Variants in TAFA4 observed in about 807,000 individuals in gnomAD.
TAFA4 encodes TAFA chemokine like family member 4.
A neutral mutation model predicts 21.1 loss-of-function variants in TAFA4; 20 were observed. The ratio of observed to expected loss-of-function variants is 0.95; its 90% CI spans 0.67 to 1.38. The LOEUF (loss-of-function observed/expected upper bound fraction) is 1.38. Ranked by LOEUF, TAFA4 falls within the 40% of genes most tolerant of loss-of-function variation. The pLI is 0.00. For missense variants in TAFA4, 211 were observed against 180.9 expected (o/e 1.17, Z -0.95); for synonymous variants, 71 against 67.4 (o/e 1.05, Z -0.26).
chr3:68,892,509 A>G (rs959920786), intron 1 of TAFA4, among the ~76,000 whole-genome samples: 1 of 152,200 alleles, frequency 6.6e-6, no homozygotes, highest in African/African-American at 2.4e-5. Flanking sequence ...GGATACACTA[A>G]AAGCCCTGCC....
intron 1 of TAFA4, among the ~76,000 whole-genome samples, chr3:68,920,528 T>C (rs1047874685): frequency 6.6e-5 from 10 of 152,090 alleles, no homozygotes; most frequent in African/African-American, 2.4e-4. Flanking sequence ...ACATAATGTA[T>C]ACTAAATATT....
intron 3 of TAFA4, among the ~76,000 whole-genome samples, chr3:68,832,401 CCTTT>C (rs1202296735): frequency 2.0e-5 from 3 of 152,158 alleles, no homozygotes; most frequent in Non-Finnish European, 4.4e-5. Flanking sequence ...TGATGCTACT[CCTTT>C]CTGTTTGTTA....
At chr3:68,786,038 T>C (rs1423384507) in intron 3 of TAFA4, among the ~76,000 whole-genome samples, 1 of 152,192 alleles carries the variant, frequency 6.6e-6, no homozygotes, top group Non-Finnish European at 1.5e-5. Context: ...ACTGGTTAAA[T>C]AAACTACGTT....
intron 3 of TAFA4, among the ~76,000 whole-genome samples, chr3:68,755,970 C>T (rs553619035): frequency 6.6e-6 from 1 of 152,258 alleles, no homozygotes; most frequent in East Asian, 1.9e-4. Flanking sequence ...GACTACATAG[C>T]CAGGAGCTAC....
chr3:68,888,191 T>C (rs78207650), intron 1 of TAFA4, among the ~76,000 whole-genome samples: 3,118 of 152,184 alleles, frequency 0.02, 111 homozygotes, highest in African/African-American at 0.071. Context: ...AAAACCTTAG[T>C]GCATGGACGC....
At chr3:68,733,309 C>T (rs1487272703) in intron 5 of TAFA4, among the ~76,000 whole-genome samples, 156 bp from the exon 6 acceptor site, 3 of 151,884 alleles carry the variant, frequency 2.0e-5, no homozygotes, top group African/African-American at 7.3e-5. Context: ...TCAAATTCTG[C>T]TTTGCAGCCT....
intron 1 of TAFA4, among the ~76,000 whole-genome samples, chr3:68,921,377 A>C (rs1421073155): frequency 6.6e-6 from 1 of 152,190 alleles, no homozygotes; most frequent in African/African-American, 2.4e-5. Context: ...GTGAAGAAAA[A>C]AAAGCAAGCT....
intron 3 of TAFA4, among the ~76,000 whole-genome samples, chr3:68,772,638 G>T (rs777121217): frequency 1.3e-5 from 2 of 152,156 alleles, no homozygotes; most frequent in Non-Finnish European, 2.9e-5. Context: ...ATAGCTTCAC[G>T]TTGGGGCAGG....
At chr3:68,741,795 AAAAAATAAAAAT>A (rs569363570) in intron 4 of TAFA4, among the ~76,000 whole-genome samples, 3 of 152,120 alleles carry the variant, frequency 2.0e-5, no homozygotes, top group Non-Finnish European at 4.4e-5. Flanking sequence ...CCATCTCAAA[AAAAAATAAAAAT>A]AAAAATAAAA....
intron 3 of TAFA4, among the ~76,000 whole-genome samples, chr3:68,856,725 T>C (rs1224511930): frequency 2.6e-5 from 4 of 152,166 alleles, no homozygotes; most frequent in African/African-American, 9.7e-5. Flanking sequence ...TCCACATTCA[T>C]ATGGAAGGAA....
At chr3:68,765,490 C>T (rs1702835227) in intron 3 of TAFA4, among the ~76,000 whole-genome samples, 1 of 152,092 alleles carries the variant, frequency 6.6e-6, no homozygotes, top group South Asian at 2.1e-4. Context: ...TGTTTACACA[C>T]TATATATGTC....
At chr3:68,882,116 A>G (rs1312694213) in intron 2 of TAFA4, among the ~76,000 whole-genome samples, 1 of 152,228 alleles carries the variant, frequency 6.6e-6, no homozygotes, top group Non-Finnish European at 1.5e-5. Flanking sequence ...AAAGGCAACA[A>G]AAAGCACTGG....
intron 3 of TAFA4, among the ~76,000 whole-genome samples, chr3:68,763,415 A>G (rs920209347): frequency 2.0e-5 from 3 of 152,096 alleles, no homozygotes; most frequent in Admixed American, 2.0e-4. Context: ...GATATAATGT[A>G]TTTCCTAACT....
chr3:68,831,480 G>T (rs139486875), intron 3 of TAFA4, among the ~76,000 whole-genome samples: 1 of 151,638 alleles, frequency 6.6e-6, no homozygotes, highest in Non-Finnish European at 1.5e-5. Context: ...TTCTGGGTTG[G>T]AAATTCTTTT....
intron 3 of TAFA4, among the ~76,000 whole-genome samples, chr3:68,820,334 G>A (rs1005065434): frequency 6.6e-6 from 1 of 152,170 alleles, no homozygotes; most frequent in Admixed American, 6.5e-5. Flanking sequence ...AAGTTCAAGT[G>A]ATCTACTGCA....
chr3:68,745,571 T>C (rs1376952721), intron 4 of TAFA4, among the ~76,000 whole-genome samples: 1 of 152,228 alleles, frequency 6.6e-6, no homozygotes, highest in Non-Finnish European at 1.5e-5. Flanking sequence ...GGTTTTGTGG[T>C]AGCAACTGCT....
intron 4 of TAFA4, among the ~76,000 whole-genome samples, chr3:68,748,263 G>A (rs1186329531): frequency 6.6e-6 from 1 of 152,142 alleles, no homozygotes; most frequent in Non-Finnish European, 1.5e-5. Context: ...AAAGTGTTTT[G>A]GCAAAATCCT....
At position 68,828,925 on chromosome 3, in the gene TAFA4, G is replaced by A. The variant is rs142849174; in HGVS notation, c.130+51805C>T. 3.9e-3 allele frequency among the ~76,000 whole-genome samples: 601 copies of A among 152,278 alleles called. 4 individuals carry two copies. Among genetic ancestry groups the A allele is most frequent in the African/African-American group, 0.014 (581 of 41,556 alleles). ...ACCTCCAATACTATGTTGACTAGGA[G>A]TGGTGAGAGAGGGCATCCATGTCCT... On this transcript the variant is annotated intron_variant, in intron 3 of 5. Coordinates refer to ENST00000295569, the MANE Select transcript of TAFA4 (RefSeq NM_182522.5).
At chr3:68,733,682 G>T (rs906186933) in intron 5 of TAFA4, among the ~76,000 whole-genome samples, 1 of 152,128 alleles carries the variant, frequency 6.6e-6, no homozygotes. Flanking sequence ...AAATTGAACA[G>T]CAGTTTCTAT....
Sources: allele counts gnomAD v4.1 joint callset (sites outside exome capture counted in the v4.1 genomes callset), GRCh38; gene constraint gnomAD v4.1.1; transcripts MANE v1.5; gene names NCBI Gene and HGNC (gene_info 2026-07-23, HGNC 2026-07-21).